Variants in RASAL2 observed in about 807,000 individuals in gnomAD.
RASAL2 encodes RAS protein activator like 2.
Under a neutral mutation model 128.9 loss-of-function variants are expected in RASAL2, and 58 were observed. The ratio of observed to expected loss-of-function variants is 0.45; its 90% CI spans 0.36 to 0.56. RASAL2 has a LOEUF of 0.56. Ranked by LOEUF, RASAL2 falls within the 20% of genes least tolerant of loss-of-function variation. RASAL2 has a pLI of 0.00. For synonymous variants in RASAL2, 561 were observed against 580.8 expected (o/e 0.97, Z 0.49); for missense variants, 1,360 against 1,601.6 (o/e 0.85, Z 2.57).
intron 1 of RASAL2, among the ~76,000 whole-genome samples, chr1:178,162,394 A>T (rs1661346314): frequency 8.8e-6 from 1 of 113,966 alleles, no homozygotes; most frequent in Non-Finnish European, 1.7e-5. Flanking sequence ...TATTATATAT[A>T]TTATATATTT....
chr1:178,279,867 C>G (rs1211387632), intron 1 of RASAL2, among the ~76,000 whole-genome samples: 1 of 152,102 alleles, frequency 6.6e-6, no homozygotes, highest in Non-Finnish European at 1.5e-5. Context: ...CAAAACTTTT[C>G]TGAAGATTGA....
intron 3 of RASAL2, among the ~76,000 whole-genome samples, chr1:178,301,581 C>T (rs1319036857): frequency 6.6e-6 from 1 of 151,792 alleles, no homozygotes; most frequent in African/African-American, 2.4e-5. Context: ...TACAGGCATG[C>T]ACCACCATGC....
chr1:178,364,110 A>T (rs946643939), intron 3 of RASAL2, among the ~76,000 whole-genome samples: 23 of 151,620 alleles, frequency 1.5e-4, no homozygotes, highest in African/African-American at 4.8e-4. Context: ...AAAAAAAAAA[A>T]GAAGAAACTA....
chr1:178,201,285 G>T (rs1193878937), intron 1 of RASAL2, among the ~76,000 whole-genome samples: 2 of 152,174 alleles, frequency 1.3e-5, no homozygotes, highest in African/African-American at 2.4e-5. Context: ...CATTTGCTTG[G>T]TTAGGTGAAT....
At chr1:178,464,538 C>A in intron 15 of RASAL2, 126 bp downstream of exon 15, 1 of 1,007,194 alleles carries the variant, frequency 9.9e-7, no homozygotes, top group Non-Finnish European at 1.4e-6. Context: ...GTTAATCATC[C>A]TATACATATC....
At chr1:178,231,541 A>C (rs1664007885) in intron 1 of RASAL2, among the ~76,000 whole-genome samples, 1 of 152,148 alleles carries the variant, frequency 6.6e-6, no homozygotes, top group Non-Finnish European at 1.5e-5. Context: ...TAAATTTATG[A>C]AATCATACTT....
intron 2 of RASAL2, among the ~76,000 whole-genome samples, chr1:178,295,211 G>C (rs1354079198): frequency 6.7e-6 from 1 of 150,370 alleles, no homozygotes; most frequent in Non-Finnish European, 1.5e-5. Flanking sequence ...AGAATGTCTA[G>C]AGTGGTCTAA....
At chr1:178,360,814 G>T (rs1458009400) in intron 3 of RASAL2, among the ~76,000 whole-genome samples, 1 of 152,198 alleles carries the variant, frequency 6.6e-6, no homozygotes, top group Non-Finnish European at 1.5e-5. Context: ...GTGGGTTGCT[G>T]GCAATGTTTG....
At chr1:178,274,613 G>A (rs1218847500) in intron 1 of RASAL2, among the ~76,000 whole-genome samples, 2 of 151,992 alleles carry the variant, frequency 1.3e-5, no homozygotes, top group Admixed American at 6.6e-5. Context: ...TTGAGACAGG[G>A]TCTTGCTCTG....
intron 1 of RASAL2, among the ~76,000 whole-genome samples, chr1:178,226,435 G>C (rs1275947431): frequency 6.6e-6 from 1 of 152,054 alleles, no homozygotes; most frequent in Non-Finnish European, 1.5e-5. Context: ...TGTTTTTATT[G>C]TGCCTTGCAA....
chr1:178,471,385 T>C (rs921086204), intron 17 of RASAL2, among the ~76,000 whole-genome samples: 3 of 152,144 alleles, frequency 2.0e-5, no homozygotes, highest in Admixed American at 6.5e-5. Context: ...GTAAACTTCA[T>C]TGGTTAAAAT....
At chr1:178,233,891 A>G (rs531564470) in intron 1 of RASAL2, among the ~76,000 whole-genome samples, 138 of 152,344 alleles carry the variant, frequency 9.1e-4, no homozygotes, top group African/African-American at 2.9e-3. Context: ...GTATATTGCA[A>G]TGAATAAGGG....
At position 178,325,661 on chromosome 1, in the gene RASAL2, G is replaced by A. The variant is rs576242201; in HGVS notation, c.457+25543G>A. ...CTAAAAGCTAGAAAGTTTCATAGTG[G>A]TAGATAGGCTCCCTGAAAGAAACTG... On this transcript the variant is annotated intron_variant, in intron 3 of 17. Transcript: ENST00000367649. Among the ~76,000 whole-genome samples the A allele has an allele frequency of 3.1e-3, 468 of 152,316 alleles. 2 individuals carry two copies. Among genetic ancestry groups the A allele is most frequent in the Non-Finnish European group, 4.8e-3 (328 of 68,028 alleles).
In RASAL2 at chr1:178,439,434, G is replaced by A. The variant is rs1247325929; in HGVS notation, c.687G>A (p.Leu229=). ...LRSTDDRSRG[L]PKLKESRSHE... Reference sequence around the variant, plus strand: ...TTTCTACTTTTAGGTCTCGTGGGCTGCCTAAACTAAAAGAGTCACGTTCCC... The same window carrying A: ...TTTCTACTTTTAGGTCTCGTGGGCTACCTAAACTAAAAGAGTCACGTTCCC... Residue 229 remains leucine, a synonymous_variant, in exon 6 of 18, where the codon CTG becomes CTA. Coordinates refer to ENST00000367649, the MANE Select transcript of RASAL2 (RefSeq NM_170692.4). 3.1e-6 allele frequency: 5 copies of A among 1,607,530 alleles called. No homozygotes were observed. The highest frequency in any genetic ancestry group is 4.2e-6 in the Non-Finnish European group (5 of 1,177,406).
intron 1 of RASAL2, among the ~76,000 whole-genome samples, chr1:178,267,508 T>G (rs1666019436): frequency 6.6e-6 from 1 of 151,982 alleles, no homozygotes; most frequent in Non-Finnish European, 1.5e-5. Context: ...TAATTGCCCT[T>G]TTTTCCTGTT....
chr1:178,358,237 TAAAAAAAAAA>T (rs71567191), intron 3 of RASAL2, among the ~76,000 whole-genome samples: 7 of 34,774 alleles, frequency 2.0e-4, no homozygotes, highest in African/African-American at 3.3e-4. Flanking sequence ...CTCTGTCTCC[TAAAAAAAAAA>T]AAAAAAAAAA....
At chr1:178,411,919 G>A (rs548794117) in intron 4 of RASAL2, 316 of 662,714 alleles carry the variant, frequency 4.8e-4, no homozygotes, top group African/African-American at 4.5e-3. Context: ...GCCCTTGCCC[G>A]CTTGAGTATG....
At chr1:178,337,857 G>T (rs1042436961) in intron 3 of RASAL2, among the ~76,000 whole-genome samples, 2 of 150,386 alleles carry the variant, frequency 1.3e-5, no homozygotes, top group Non-Finnish European at 3.0e-5. Context: ...TCAACCTCCC[G>T]AGTAGCCGAG....
At chr1:178,444,278 C>T (rs1676852410) in intron 8 of RASAL2, among the ~76,000 whole-genome samples, 1 of 152,052 alleles carries the variant, frequency 6.6e-6, no homozygotes, top group South Asian at 2.1e-4. Flanking sequence ...TGGAAAAGTT[C>T]AGTAAGCTTT....
Sources: allele counts gnomAD v4.1 joint callset (sites outside exome capture counted in the v4.1 genomes callset), GRCh38; gene constraint gnomAD v4.1.1; transcripts MANE v1.5; gene names NCBI Gene and HGNC (gene_info 2026-07-23, HGNC 2026-07-21).